DAPK1: variants seen among roughly 807,000 people sequenced by gnomAD.
DAPK1 encodes the protein death associated protein kinase 1, also known as death-associated protein kinase 1.
Under a neutral mutation model 144.9 loss-of-function variants are expected in DAPK1, and 56 were observed. The ratio of observed to expected loss-of-function variants is 0.39; its 90% CI spans 0.31 to 0.48. The LOEUF (loss-of-function observed/expected upper bound fraction) is 0.48, where lower values mean the gene tolerates loss of function less well. Among genes scored for constraint, DAPK1 ranks in the 20% least tolerant of loss-of-function variants. DAPK1 has a pLI of 0.95. For missense variants in DAPK1, 1,454 were observed against 1,875.4 expected, an observed-to-expected ratio of 0.78 and a Z score of 4.15; for synonymous variants, 690 against 749.0, an observed-to-expected ratio of 0.92 and a Z score of 1.29.
chr9:87,562,956 A>T (rs1826985303), intron 2 of DAPK1, among the ~76,000 whole-genome samples: 2 of 152,210 alleles, frequency 1.3e-5, no homozygotes, highest in South Asian at 4.1e-4. Context: ...CTGACCTCTT[A>T]AACTTTTTTA....
At chr9:87,623,094 A>G (rs1289570793) in intron 3 of DAPK1, among the ~76,000 whole-genome samples, 1 of 152,112 alleles carries the variant, frequency 6.6e-6, no homozygotes, top group Non-Finnish European at 1.5e-5. Flanking sequence ...AGGACTTGAA[A>G]GCACAATTGT....
chr9:87,611,702 A>G (rs1828938164), intron 3 of DAPK1, among the ~76,000 whole-genome samples: 1 of 152,046 alleles, frequency 6.6e-6, no homozygotes, highest in African/African-American at 2.4e-5. Context: ...CAGCCCTCTC[A>G]CCCTGTCCTC....
In DAPK1 at chr9:87,685,497, A is replaced by G. The variant is rs191441210; in HGVS notation, c.2225-1054A>G. 1.6e-4 allele frequency among the ~76,000 whole-genome samples: 25 copies of G among 152,298 alleles called. No individual in the cohort carries two copies. In the East Asian group the frequency reaches 4.8e-3, roughly 29 times the overall value. On this transcript the variant is annotated intron_variant, in intron 20 of 25. Transcript: ENST00000408954. Reference sequence around the variant, plus strand: ...GTTAAGATCAATGAATCCCTTCTCCAATGCAATTCGTTCACCAAGTTCTTA... The same window carrying G: ...GTTAAGATCAATGAATCCCTTCTCCGATGCAATTCGTTCACCAAGTTCTTA...
At chr9:87,672,765 G>A (rs1483031918) in intron 19 of DAPK1, among the ~76,000 whole-genome samples, 1 of 152,142 alleles carries the variant, frequency 6.6e-6, no homozygotes, top group Non-Finnish European at 1.5e-5. Context: ...TTGGCACCTG[G>A]GCACACCCGG....
At chr9:87,601,702 C>A (rs117951729) in intron 2 of DAPK1, among the ~76,000 whole-genome samples, 1 of 152,172 alleles carries the variant, frequency 6.6e-6, no homozygotes. Flanking sequence ...CTAAACACTT[C>A]ATGCGCTCAT....
intron 2 of DAPK1, among the ~76,000 whole-genome samples, chr9:87,518,418 G>A (rs1825165596): frequency 6.6e-6 from 1 of 151,662 alleles, no homozygotes; most frequent in African/African-American, 2.4e-5. Flanking sequence ...GTGAGCCACT[G>A]CACCCAGCCA....
chr9:87,597,970 C>T (rs866082564), intron 2 of DAPK1, among the ~76,000 whole-genome samples: 4 of 152,180 alleles, frequency 2.6e-5, no homozygotes, highest in Non-Finnish European at 4.4e-5. Context: ...ACAGCAACTG[C>T]GTCCCCTTTT....
chr9:87,609,947 T>C (rs570623429), intron 3 of DAPK1, among the ~76,000 whole-genome samples: 2 of 152,362 alleles, frequency 1.3e-5, no homozygotes, highest in South Asian at 2.1e-4. Flanking sequence ...CCAGACTCCA[T>C]GCCCATCCTT....
intron 2 of DAPK1, among the ~76,000 whole-genome samples, chr9:87,550,659 C>T (rs1392989953): frequency 6.6e-6 from 1 of 152,198 alleles, no homozygotes; most frequent in African/African-American, 2.4e-5. Flanking sequence ...CCAAATAAAG[C>T]TACCTTACAA....
Position 87,706,349 on chromosome 9 carries a change from G to A in DAPK1, c.3278G>A (p.Arg1093Gln), listed in dbSNP as rs1265143927. The A allele has an allele frequency of 6.8e-6, 11 of 1,607,874 alleles. No individual in the cohort carries two copies. Among genetic ancestry groups the A allele is most frequent in the African/African-American group, 1.3e-5 (1 of 74,774 alleles). Residue 1093 changes from arginine to glutamine, a missense_variant, in exon 26 of 26, where the codon CGG (arginine) becomes CAG (glutamine). Transcript: ENST00000408954. The surrounding 1 kb of genome is among the most constrained non-coding windows in gnomAD (Gnocchi z 9.0). ...QILDAMDICA[R>Q]DLSSGTMVDV... ...CTCGATGCCATGGACATCTGCGCCC[G>A]GGACCTGAGCAGCGGGACCATGGTG...
chr9:87,696,521 C>T (rs970226856), intron 21 of DAPK1, among the ~76,000 whole-genome samples: 2 of 152,142 alleles, frequency 1.3e-5, no homozygotes, highest in African/African-American at 4.8e-5. Context: ...CTGGGAAGTT[C>T]AAGGGGCGTG....
chr9:87,558,051 A>G (rs1563992682), intron 2 of DAPK1, among the ~76,000 whole-genome samples: 2 of 152,228 alleles, frequency 1.3e-5, no homozygotes, highest in Non-Finnish European at 1.5e-5. Context: ...TTGCTCAGCC[A>G]TAATAAATCT....
At chr9:87,536,089 T>C (rs924026513) in intron 2 of DAPK1, among the ~76,000 whole-genome samples, 8 of 152,216 alleles carry the variant, frequency 5.3e-5, no homozygotes, top group Non-Finnish European at 1.2e-4. Context: ...TTTCTTGTTT[T>C]CTAAGTTAGT....
intron 2 of DAPK1, 42 bp from the exon 3 acceptor site, chr9:87,604,912 T>A (rs979128371): frequency 1.3e-5 from 20 of 1,591,266 alleles, no homozygotes; most frequent in Admixed American, 3.4e-5. Context: ...AAATCCTGTT[T>A]TTTTTATGAA....
intron 2 of DAPK1, among the ~76,000 whole-genome samples, chr9:87,565,675 C>T (rs375364892): frequency 6.6e-6 from 1 of 152,216 alleles, no homozygotes; most frequent in South Asian, 2.1e-4. Context: ...GAGGTTTGGG[C>T]TTGAACCCAG....
chr9:87,614,123 A>G (rs992059476), intron 3 of DAPK1, among the ~76,000 whole-genome samples: 1 of 151,822 alleles, frequency 6.6e-6, no homozygotes. Context: ...CTTCCCCCAT[A>G]CTCTCACTTC....
At chr9:87,580,483 T>C (rs910821682) in intron 2 of DAPK1, among the ~76,000 whole-genome samples, 2 of 152,204 alleles carry the variant, frequency 1.3e-5, no homozygotes, top group African/African-American at 4.8e-5. Context: ...TTTTTACTTT[T>C]TAGACAACTT....
chr9:87,523,305 T>G (rs1275760083), intron 2 of DAPK1, among the ~76,000 whole-genome samples: 3 of 152,180 alleles, frequency 2.0e-5, no homozygotes, highest in Non-Finnish European at 4.4e-5. Context: ...GCTCTGAGTT[T>G]ATTTGTTTTG....
chr9:87,499,262 A>G (rs1824308478), intron 2 of DAPK1, 123 bp downstream of exon 2: 2 of 874,978 alleles, frequency 2.3e-6, no homozygotes, highest in African/African-American at 1.7e-5. Context: ...GAGATGCGCA[A>G]ATCATAGAGA....
Sources: allele counts gnomAD v4.1 joint callset (sites outside exome capture counted in the v4.1 genomes callset), GRCh38; gene constraint gnomAD v4.1.1; non-coding constraint Gnocchi (gnomAD v3.1); transcripts MANE v1.5; gene names NCBI Gene and HGNC (gene_info 2026-07-23, HGNC 2026-07-21).